GALNT13: variants seen among roughly 807,000 people sequenced by gnomAD.
GALNT13 encodes polypeptide N-acetylgalactosaminyltransferase 13.
Under a neutral mutation model 64.2 loss-of-function variants are expected in GALNT13, and 28 were observed. The observed-to-expected ratio is 0.44, with a 90% confidence interval of 0.32 to 0.60. The LOEUF is 0.60. Among genes scored for constraint, GALNT13 ranks in the 20% least tolerant of loss-of-function variants. The pLI, the probability that GALNT13 is intolerant of heterozygous loss-of-function variation, is 0.05. For synonymous variants in GALNT13, 214 were observed against 224.6 expected (o/e 0.95, Z 0.42); for missense variants, 577 against 669.8 (o/e 0.86, Z 1.53).
intron 12 of GALNT13, chr2:154,446,508 G>T: frequency 6.9e-7 from 1 of 1,446,182 alleles, no homozygotes; most frequent in South Asian, 1.4e-5. Context: ...TAGGATGATT[G>T]ATTTATTACT....
chr2:153,551,511 T>G, the GALNT13 span, among the ~76,000 whole-genome samples: 1 of 152,178 alleles, frequency 6.6e-6, no homozygotes, highest in African/African-American at 2.4e-5. Flanking sequence ...AGAGAAGAGA[T>G]GATTATGGCT....
At chr2:153,074,075 T>A in the GALNT13 span, among the ~76,000 whole-genome samples, 1 of 152,200 alleles carries the variant, frequency 6.6e-6, no homozygotes, top group Non-Finnish European at 1.5e-5. Flanking sequence ...TAGGTACTTC[T>A]AGGAATTTCT....
chr2:153,072,021 T>C, the GALNT13 span, among the ~76,000 whole-genome samples: 1 of 152,212 alleles, frequency 6.6e-6, no homozygotes, highest in African/African-American at 2.4e-5. Flanking sequence ...ACAGCTGGAA[T>C]AATTTAAAGC....
intron 8 of GALNT13, among the ~76,000 whole-genome samples, chr2:154,290,511 G>C (rs1027770792): frequency 4.6e-5 from 7 of 152,212 alleles, no homozygotes; most frequent in Non-Finnish European, 7.3e-5. Flanking sequence ...GTTTAAGCTG[G>C]AGGCGGCTTA....
At chr2:153,990,098 G>A (rs962132775) in intron 3 of GALNT13, among the ~76,000 whole-genome samples, 4 of 152,028 alleles carry the variant, frequency 2.6e-5, no homozygotes, top group Admixed American at 2.0e-4. Context: ...TATAGTATTA[G>A]TATTCTTTCA....
the GALNT13 span, among the ~76,000 whole-genome samples, chr2:153,741,991 G>A: frequency 6.6e-6 from 1 of 152,078 alleles, no homozygotes; most frequent in Admixed American, 6.6e-5. Context: ...TAGAACATTT[G>A]AAATTTGTTC....
chr2:153,111,503 C>G, the GALNT13 span, among the ~76,000 whole-genome samples: 1 of 151,884 alleles, frequency 6.6e-6, no homozygotes, highest in African/African-American at 2.4e-5. Flanking sequence ...GAAATTCGCC[C>G]AGTGTGAGAG....
chr2:154,268,569 C>T (rs921201250), intron 8 of GALNT13, among the ~76,000 whole-genome samples: 4 of 151,862 alleles, frequency 2.6e-5, no homozygotes, highest in African/African-American at 9.7e-5. Flanking sequence ...ATATGCAGTT[C>T]ATTATATGTT....
intron 11 of GALNT13, among the ~76,000 whole-genome samples, chr2:154,417,904 C>T (rs1319546226): frequency 6.6e-6 from 1 of 152,022 alleles, no homozygotes; most frequent in African/African-American, 2.4e-5. Flanking sequence ...TTTCAATATA[C>T]ATTTATATTT....
intron 8 of GALNT13, among the ~76,000 whole-genome samples, chr2:154,269,930 A>ATATATGTGTATATATATATATATAT (rs1553506263): frequency 3.5e-5 from 5 of 142,890 alleles, no homozygotes; most frequent in East Asian, 2.1e-4. Flanking sequence ...ATATATTTCT[A>ATATATGTGTATATATATATATATAT]AAGCACAGGG....
the GALNT13 span, among the ~76,000 whole-genome samples, chr2:153,634,566 T>C: frequency 2.0e-5 from 3 of 147,290 alleles, no homozygotes; most frequent in East Asian, 2.0e-4. Context: ...TTTTTTTTTT[T>C]CTGAGATGGA....
At chr2:153,429,063 C>G in the GALNT13 span, among the ~76,000 whole-genome samples, 3 of 152,116 alleles carry the variant, frequency 2.0e-5, no homozygotes, top group Non-Finnish European at 2.9e-5. Flanking sequence ...TTATCTCTTT[C>G]TCTTTCTCTC....
chr2:154,400,299 T>A (rs1699244019), intron 10 of GALNT13, among the ~76,000 whole-genome samples: 1 of 152,198 alleles, frequency 6.6e-6, no homozygotes, highest in African/African-American at 2.4e-5. Context: ...CTACTTGCCA[T>A]CAAAACAAGA....
the GALNT13 span, among the ~76,000 whole-genome samples, chr2:153,356,954 C>T: frequency 8.6e-5 from 13 of 151,822 alleles, no homozygotes; most frequent in African/African-American, 1.5e-4. Flanking sequence ...CCTGCCACCA[C>T]GCCCAGCTAA....
the GALNT13 span, among the ~76,000 whole-genome samples, chr2:153,631,684 T>C: frequency 6.6e-6 from 1 of 152,180 alleles, no homozygotes; most frequent in African/African-American, 2.4e-5. Context: ...TTTGTTTGAG[T>C]TCTTTGTAGA....
rs73965456 is a variant in GALNT13, at chr2:154,443,326, G to A, written c.1530+4600G>A. ...ATAATATTTCTGTTCGACTGAATGC[G>A]TAGATTACCTTGTCTGGAGATCATA... On this transcript the variant is annotated intron_variant, in intron 12 of 12. Coordinates refer to ENST00000392825, the MANE Select transcript of GALNT13 (RefSeq NM_052917.4). Among the ~76,000 whole-genome samples, 368 of 152,056 alleles carry A rather than the reference G, an allele frequency of 2.4e-3. 1 individual carries two copies. Among genetic ancestry groups the A allele is most frequent in the African/African-American group, 7.4e-3 (307 of 41,476 alleles).
chr2:153,569,883 C>T, the GALNT13 span, among the ~76,000 whole-genome samples: 1 of 152,158 alleles, frequency 6.6e-6, no homozygotes, highest in Non-Finnish European at 1.5e-5. Context: ...CTTCTGCTCT[C>T]TATGTCCATG....
the GALNT13 span, among the ~76,000 whole-genome samples, chr2:153,807,307 T>C: frequency 6.6e-6 from 1 of 151,996 alleles, no homozygotes; most frequent in Non-Finnish European, 1.5e-5. Context: ...GGTTTTTATG[T>C]ATTTTTTATA....
intron 9 of GALNT13, among the ~76,000 whole-genome samples, chr2:154,369,851 G>A (rs990341133): frequency 6.6e-6 from 1 of 152,100 alleles, no homozygotes; most frequent in African/African-American, 2.4e-5. Context: ...TAGGCTTCTC[G>A]CTGTGTGCTC....
Sources: allele counts gnomAD v4.1 joint callset (sites outside exome capture counted in the v4.1 genomes callset), GRCh38; gene constraint gnomAD v4.1.1; transcripts MANE v1.5; gene names NCBI Gene and HGNC (gene_info 2026-07-23, HGNC 2026-07-21).